Variants in SLC4A10 observed in about 807,000 individuals in gnomAD.
SLC4A10 encodes sodium-driven chloride bicarbonate exchanger.
A neutral mutation model predicts 137.7 loss-of-function variants in SLC4A10; 42 were observed. The ratio of observed to expected loss-of-function variants is 0.30; its 90% CI spans 0.24 to 0.39. SLC4A10 has a LOEUF of 0.39. Among genes scored for constraint, SLC4A10 ranks in the 10% least tolerant of loss-of-function variants. The pLI, the probability that SLC4A10 is intolerant of heterozygous loss-of-function variation, is 1.00. For synonymous variants in SLC4A10, 474 were observed against 464.1 expected (o/e 1.02, Z -0.27); for missense variants, 925 against 1,355.0 (o/e 0.68, Z 4.98).
chr2:161,892,327 T>A (rs1168051342), intron 10 of SLC4A10, among the ~76,000 whole-genome samples: 1 of 152,044 alleles, frequency 6.6e-6, no homozygotes, highest in African/African-American at 2.4e-5. Flanking sequence ...CTAAGAACTT[T>A]TGCAATCCTT....
chr2:161,949,512 A>G (rs1228245894), intron 18 of SLC4A10, among the ~76,000 whole-genome samples: 1 of 152,064 alleles, frequency 6.6e-6, no homozygotes, highest in Non-Finnish European at 1.5e-5. Flanking sequence ...GCCAGTTGAA[A>G]TACCTATATA....
At chr2:161,934,663 C>T (rs1166966079) in intron 15 of SLC4A10, among the ~76,000 whole-genome samples, 1 of 152,024 alleles carries the variant, frequency 6.6e-6, no homozygotes, top group Non-Finnish European at 1.5e-5. Flanking sequence ...GGTAGTATCT[C>T]TGTGGTTTTA....
intron 5 of SLC4A10, 24 bp from the exon 6 acceptor site, chr2:161,862,850 C>A (rs1298148145): frequency 2.6e-6 from 4 of 1,529,230 alleles, no homozygotes; most frequent in Admixed American, 3.9e-5. Flanking sequence ...CTGTGCTTAT[C>A]TTCTTCCGGC....
intron 2 of SLC4A10, among the ~76,000 whole-genome samples, chr2:161,795,608 G>T (rs897130352): frequency 6.6e-6 from 1 of 151,984 alleles, no homozygotes; most frequent in Admixed American, 6.6e-5. Context: ...TCAACCTCTT[G>T]GAAGATTTTA....
rs756835311 is a variant in SLC4A10 at position 161,839,827 on chromosome 2, G to C, written c.316G>C (p.Glu106Gln). 2 of 1,613,854 alleles carry C rather than the reference G, an allele frequency of 1.2e-6. No individual in the cohort carries two copies. Among genetic ancestry groups the C allele is most frequent in the Non-Finnish European group, 1.7e-6 (2 of 1,179,840 alleles). ...GAGGGTACAGTTTATTCTTGGAACC[G>C]AGGATGATGACGAGGAACACATTCC... ...SQRVQFILGTEDDDEEHIPHD... is the reference protein window; with the variant it reads ...SQRVQFILGTQDDDEEHIPHD... Residue 106 changes from glutamate to glutamine, a missense_variant, in exon 4 of 27, where the codon GAG becomes CAG. Physicochemically the swap from Glu to Gln is conservative, Grantham distance 29 (BLOSUM62 2). Around this residue, in one of 11 missense-constraint regions of SLC4A10, gnomAD observed 138 missense variants for 171.3 expected, o/e 0.81. Coordinates refer to ENST00000446997, the MANE Select transcript of SLC4A10 (RefSeq NM_001178015.2).
chr2:161,805,220 C>T (rs1273375534), intron 3 of SLC4A10, among the ~76,000 whole-genome samples: 1 of 152,102 alleles, frequency 6.6e-6, no homozygotes, highest in Non-Finnish European at 1.5e-5. Context: ...GAGAAAAGCA[C>T]AGGAAAGACC....
At chr2:161,843,282 G>A (rs1454539479) in intron 4 of SLC4A10, among the ~76,000 whole-genome samples, 1 of 152,150 alleles carries the variant, frequency 6.6e-6, no homozygotes, top group Non-Finnish European at 1.5e-5. Context: ...TTACAGTTGA[G>A]CAGGTAGGTT....
chr2:161,854,325 C>G (rs2059983467), intron 4 of SLC4A10, among the ~76,000 whole-genome samples: 1 of 152,124 alleles, frequency 6.6e-6, no homozygotes. Context: ...TCCAAGAAGA[C>G]AGTGGTCCCC....
chr2:161,943,707 TCAAAC>T (rs2105768635), intron 16 of SLC4A10, among the ~76,000 whole-genome samples: 1 of 152,096 alleles, frequency 6.6e-6, no homozygotes, highest in African/African-American at 2.4e-5. Flanking sequence ...CATTACAGGT[TCAAAC>T]CTTCTACCAC....
chr2:161,647,435 A>C (rs1027766377), intron 1 of SLC4A10, among the ~76,000 whole-genome samples: 2 of 152,102 alleles, frequency 1.3e-5, no homozygotes, highest in Non-Finnish European at 2.9e-5. Context: ...TGCAACTATA[A>C]TGATAAAAAT....
chr2:161,844,597 G>A (rs2059382625), intron 4 of SLC4A10, among the ~76,000 whole-genome samples: 1 of 151,860 alleles, frequency 6.6e-6, no homozygotes, highest in Admixed American at 6.6e-5. Flanking sequence ...TTTTGTTTGG[G>A]TAGAATGAGA....
intron 8 of SLC4A10, among the ~76,000 whole-genome samples, chr2:161,874,659 G>A (rs2061353623): frequency 6.6e-6 from 1 of 152,128 alleles, no homozygotes; most frequent in South Asian, 2.1e-4. Context: ...TCTACTTAGT[G>A]TCAGCTGTTG....
intron 3 of SLC4A10, among the ~76,000 whole-genome samples, chr2:161,809,305 C>A (rs1254036350): frequency 1.3e-5 from 2 of 151,984 alleles, no homozygotes; most frequent in African/African-American, 4.8e-5. Context: ...GCATAGTTTG[C>A]AAATATTTTC....
chr2:161,675,703 T>A (rs183726169), intron 1 of SLC4A10, among the ~76,000 whole-genome samples: 1 of 152,244 alleles, frequency 6.6e-6, no homozygotes, highest in East Asian at 1.9e-4. Context: ...GACCTTTTTT[T>A]CTAATATTTT....
At chr2:161,847,468 TC>T (rs1366129358) in intron 4 of SLC4A10, among the ~76,000 whole-genome samples, 27 of 152,118 alleles carry the variant, frequency 1.8e-4, no homozygotes, top group African/African-American at 6.5e-4. Flanking sequence ...TTTTCAATCC[TC>T]CCATTCCTCC....
chr2:161,854,940 A>C lies in SLC4A10; in HGVS notation c.417-30A>C, dbSNP rs1559394342. 1.9e-6 allele frequency: 3 copies of C among 1,593,344 alleles called. No homozygotes were observed. In the East Asian group the frequency reaches 6.7e-5, roughly 36 times the overall value. On this transcript the variant is annotated intron_variant, in intron 4 of 26. Transcript: ENST00000446997. Reference sequence around the variant, plus strand: ...GGATCATTAACCTACAATATAATATAAACTGTGCTGATAATATTTGTTTGT... The same window carrying C: ...GGATCATTAACCTACAATATAATATCAACTGTGCTGATAATATTTGTTTGT...
rs575330865 is a variant in SLC4A10, at chr2:161,983,531, A to C, written c.*379A>C. 1.6e-4 allele frequency: 48 copies of C among 305,036 alleles called. No homozygotes were observed. Among genetic ancestry groups the C allele is most frequent in the African/African-American group, 1.0e-3 (46 of 46,218 alleles). 18.9% of individuals were successfully genotyped at this position (305,036 alleles called of 1,614,324 possible). On this transcript the variant is annotated 3_prime_UTR_variant, in exon 27 of 27. Coordinates refer to ENST00000446997, the MANE Select transcript of SLC4A10 (RefSeq NM_001178015.2). Reference sequence around the variant, plus strand: ...GTTTTATGAGAGCAATAGCTTCCTTAAAGAGATAAGTCATATTTACCTAGT... The same window carrying C: ...GTTTTATGAGAGCAATAGCTTCCTTCAAGAGATAAGTCATATTTACCTAGT...
chr2:161,719,618 A>G (rs1338240048), intron 1 of SLC4A10, among the ~76,000 whole-genome samples: 1 of 152,148 alleles, frequency 6.6e-6, no homozygotes, highest in Non-Finnish European at 1.5e-5. Context: ...ATGGTATCTC[A>G]TTGTGGTTTT....
At chr2:161,783,451 T>C (rs972813853) in intron 2 of SLC4A10, among the ~76,000 whole-genome samples, 1 of 151,890 alleles carries the variant, frequency 6.6e-6, no homozygotes, top group Non-Finnish European at 1.5e-5. Context: ...GGTAAATATA[T>C]AGACAAATGC....
Sources: gnomAD v4.1 joint callset for allele counts (sites outside exome capture counted in the v4.1 genomes callset) on GRCh38, gnomAD v4.1.1 for gene constraint, gnomAD v4.1.1 regional missense constraint, MANE v1.5 for transcripts, NCBI Gene and HGNC (gene_info 2026-07-23, HGNC 2026-07-21) for gene names.